The following CASP10 variants were observed in gnomAD, a reference collection of about 807,000 sequenced individuals.
CASP10 encodes caspase 10.
In CASP10, 41 loss-of-function variants were observed where a neutral mutation model predicts 48.5. The ratio of observed to expected loss-of-function variants is 0.85; its 90% CI spans 0.66 to 1.10. The LOEUF (loss-of-function observed/expected upper bound fraction) is 1.10, where lower values mean the gene tolerates loss of function less well. CASP10 is among the 50% of genes least tolerant of loss of function. CASP10 has a pLI of 0.00. For missense variants in CASP10, 614 were observed against 614.5 expected, an observed-to-expected ratio of 1.00 and a Z score of 0.01; for synonymous variants, 232 against 238.4, an observed-to-expected ratio of 0.97 and a Z score of 0.25.
At chr2:201,211,269 G>A (rs1251188580) in intron 9 of CASP10, among the ~76,000 whole-genome samples, 7 of 152,156 alleles carry the variant, frequency 4.6e-5, no homozygotes, top group Non-Finnish European at 1.0e-4. Context: ...AAACCACAGT[G>A]CCCAGCTCAG....
Sources: allele counts gnomAD v4.1 joint callset (sites outside exome capture counted in the v4.1 genomes callset), GRCh38; gene constraint gnomAD v4.1.1; transcripts MANE v1.5; gene names NCBI Gene and HGNC (gene_info 2026-07-23, HGNC 2026-07-21).